The following TNFRSF19 variants were observed in gnomAD, a reference collection of about 807,000 sequenced individuals.
TNFRSF19 encodes the protein tumor necrosis factor receptor superfamily member 19.
A neutral mutation model predicts 46.4 loss-of-function variants in TNFRSF19; 27 were observed. That is an observed-to-expected ratio of 0.58 (90% confidence interval 0.43 to 0.80). The LOEUF (loss-of-function observed/expected upper bound fraction) is 0.80, where lower values mean the gene tolerates loss of function less well. TNFRSF19 is among the 30% of genes least tolerant of loss of function. TNFRSF19 has a pLI of 0.00. For synonymous variants in TNFRSF19, 204 were observed against 205.0 expected (o/e 1.00, Z 0.04); for missense variants, 511 against 530.8 (o/e 0.96, Z 0.37).
intron 5 of TNFRSF19, among the ~76,000 whole-genome samples, chr13:23,656,290 T>C (rs577309030): frequency 6.0e-4 from 92 of 152,318 alleles, no homozygotes; most frequent in Non-Finnish European, 9.0e-4. Flanking sequence ...ATTAGATATG[T>C]GTTAACAAGA....
chr13:23,580,151 T>C (rs981946801), intron 1 of TNFRSF19, among the ~76,000 whole-genome samples: 6 of 152,232 alleles, frequency 3.9e-5, no homozygotes, highest in African/African-American at 1.4e-4. Flanking sequence ...GACAGAAATT[T>C]GGCTAATATA....
intron 1 of TNFRSF19, among the ~76,000 whole-genome samples, chr13:23,581,363 G>A (rs938814793): frequency 2.0e-5 from 3 of 151,842 alleles, no homozygotes; most frequent in Admixed American, 2.0e-4. Context: ...AGCCAGGATG[G>A]TCTCAATCTC....
chr13:23,574,881 T>C (rs1877858036), intron 1 of TNFRSF19, among the ~76,000 whole-genome samples: 1 of 152,214 alleles, frequency 6.6e-6, no homozygotes, highest in Admixed American at 6.5e-5. Flanking sequence ...CTCACTTCTT[T>C]AGATTAAGTA....
At chr13:23,603,905 G>C (rs2138218707) in intron 3 of TNFRSF19, among the ~76,000 whole-genome samples, 1 of 152,030 alleles carries the variant, frequency 6.6e-6, no homozygotes, top group Admixed American at 6.5e-5. Flanking sequence ...ACTTAATGAT[G>C]GAAACTAGAA....
At chr13:23,671,027 C>T (rs983195124) in intron 9 of TNFRSF19, among the ~76,000 whole-genome samples, 3 of 152,186 alleles carry the variant, frequency 2.0e-5, no homozygotes, top group Non-Finnish European at 4.4e-5. Flanking sequence ...GAGGTCATCC[C>T]GGAGCCAACT....
In TNFRSF19 at chr13:23,659,360, C is replaced by T; in HGVS notation, c.610+146C>T. 1.1e-6 allele frequency: 1 copy of T among 886,008 alleles called. No individual in the cohort carries two copies. The highest frequency in any genetic ancestry group is 1.8e-5 in the South Asian group (1 of 56,776). The allele number at this position is 886,008 out of a possible 1,614,324, so 54.9% of individuals were successfully genotyped here. On this transcript the variant is annotated intron_variant, in intron 6 of 9. Coordinates refer to ENST00000248484, the MANE Select transcript of TNFRSF19 (RefSeq NM_148957.4). This position sits in a 1 kb window ranked among gnomAD's most constrained non-coding sequence, Gnocchi z 4.9. Reference sequence around the variant, plus strand: ...CAGGGCACAAGAAACACAGGTGATCCCTGAACAGCAGAGGGCTAGGAGAGC... The same window carrying T: ...CAGGGCACAAGAAACACAGGTGATCTCTGAACAGCAGAGGGCTAGGAGAGC...
intron 5 of TNFRSF19, among the ~76,000 whole-genome samples, chr13:23,638,575 G>A (rs1279469134): frequency 6.6e-6 from 1 of 152,210 alleles, no homozygotes; most frequent in African/African-American, 2.4e-5. Flanking sequence ...TCTAGACCAA[G>A]TGATCTGGAA....
At chr13:23,638,839 C>T (rs977184688) in intron 5 of TNFRSF19, among the ~76,000 whole-genome samples, 3 of 152,268 alleles carry the variant, frequency 2.0e-5, no homozygotes, top group South Asian at 2.1e-4. Context: ...CCTGGGCTGC[C>T]GGGTGCCCTT....
In TNFRSF19 at chr13:23,575,779, A is replaced by T. The variant is rs545588398; in HGVS notation, c.-35+4931A>T. On this transcript the variant is annotated intron_variant, in intron 1 of 9. Coordinates refer to ENST00000248484, the MANE Select transcript of TNFRSF19 (RefSeq NM_148957.4). ...CAAGGAATAGTGATTTACACTAGAA[A>T]TGACTAGAAGTTAGGCAATTTTTCA... 1.1e-4 allele frequency among the ~76,000 whole-genome samples: 17 copies of T among 152,310 alleles called. 1 individual carries two copies. The highest frequency in any genetic ancestry group is 9.8e-4 in the Admixed American group (15 of 15,306).
chr13:23,635,338 A>T (rs1183272370), intron 5 of TNFRSF19, among the ~76,000 whole-genome samples: 2 of 152,246 alleles, frequency 1.3e-5, no homozygotes, highest in Non-Finnish European at 2.9e-5. Context: ...AATTTCAAAC[A>T]GGAATTAATT....
intron 3 of TNFRSF19, among the ~76,000 whole-genome samples, chr13:23,609,616 A>C (rs1268028122): frequency 6.6e-6 from 1 of 152,210 alleles, no homozygotes; most frequent in African/African-American, 2.4e-5. Flanking sequence ...TTTCAAAGTA[A>C]ACTTTTCTAA....
chr13:23,614,567 A>G (rs1005412190), intron 3 of TNFRSF19, among the ~76,000 whole-genome samples: 1 of 152,150 alleles, frequency 6.6e-6, no homozygotes, highest in Non-Finnish European at 1.5e-5. Flanking sequence ...CCTCTGCAGC[A>G]TCCAGTCTGC....
At chr13:23,630,302 TAAAAAA>T (rs33960618) in intron 5 of TNFRSF19, among the ~76,000 whole-genome samples, 1 of 89,716 alleles carries the variant, frequency 1.1e-5, no homozygotes. Context: ...GACCCTGTCT[TAAAAAA>T]AAAAAAAAAA....
At chr13:23,628,442 G>C (rs1384201603) in intron 5 of TNFRSF19, among the ~76,000 whole-genome samples, 4 of 152,192 alleles carry the variant, frequency 2.6e-5, no homozygotes, top group African/African-American at 7.2e-5. Context: ...GGTCAGCCCA[G>C]CCACCATTCT....
At position 23,675,204 on chromosome 13, in the gene TNFRSF19, G is replaced by T. The variant is rs958124626; in HGVS notation, c.*1824G>T. The T allele has an allele frequency of 6.6e-6, 1 of 152,092 alleles. No individual in the cohort carries two copies. Among genetic ancestry groups the T allele is most frequent in the African/African-American group, 2.4e-5 (1 of 41,394 alleles). 9.4% of individuals were successfully genotyped at this position (152,092 alleles called of 1,614,324 possible). A position where few individuals can be genotyped will look rare whatever the true frequency, so the allele number is the denominator to read the frequency against. On this transcript the variant is annotated 3_prime_UTR_variant, in exon 10 of 10. Coordinates refer to ENST00000248484, the MANE Select transcript of TNFRSF19 (RefSeq NM_148957.4). ...ATGAAAATGCAAGTAGTTTCCTCGC[G>T]TGACCTCACCATGATTCACATACGT...
chr13:23,590,050 A>C (rs1181427158), intron 1 of TNFRSF19, 100 bp from the exon 2 acceptor site: 3 of 469,816 alleles, frequency 6.4e-6, no homozygotes, highest in Admixed American at 8.5e-5. Flanking sequence ...AATAATATTT[A>C]TTACCTAGTC....
chr13:23,642,962 C>T (rs1008212926), intron 5 of TNFRSF19, among the ~76,000 whole-genome samples: 11 of 152,188 alleles, frequency 7.2e-5, no homozygotes, highest in African/African-American at 2.2e-4. Context: ...TCTTTTCATA[C>T]GTATATTAAT....
At chr13:23,593,320 C>A in intron 2 of TNFRSF19, 25 bp from the exon 3 acceptor site, 1 of 1,434,554 alleles carries the variant, frequency 7.0e-7, no homozygotes, top group Non-Finnish European at 9.5e-7. Context: ...TTTAAGATAA[C>A]ATTTTGTTAA....
chr13:23,641,645 A>G (rs567153133), intron 5 of TNFRSF19, among the ~76,000 whole-genome samples: 4 of 152,290 alleles, frequency 2.6e-5, no homozygotes, highest in African/African-American at 7.2e-5. Context: ...TTTTCTTAGT[A>G]ATGGCTTTAC....
Sources: gnomAD v4.1 joint callset for allele counts (sites outside exome capture counted in the v4.1 genomes callset) on GRCh38, gnomAD v4.1.1 for gene constraint, Gnocchi (gnomAD v3.1) non-coding constraint, MANE v1.5 for transcripts, NCBI Gene and HGNC (gene_info 2026-07-23, HGNC 2026-07-21) for gene names.